The following IRAG2 variants were observed in gnomAD, a reference collection of about 807,000 sequenced individuals.
IRAG2 encodes lymphoid restricted membrane protein.
A neutral mutation model predicts 69.9 loss-of-function variants in IRAG2; 45 were observed. The ratio of observed to expected loss-of-function variants is 0.64; its 90% CI spans 0.51 to 0.83. IRAG2 has a LOEUF of 0.83. IRAG2 is among the 40% of genes least tolerant of loss of function. The pLI is 0.00. For missense variants in IRAG2, 520 were observed against 587.0 expected (o/e 0.89, Z 1.18); for synonymous variants, 193 against 202.4 (o/e 0.95, Z 0.40).
intron 5 of IRAG2, among the ~76,000 whole-genome samples, chr12:25,067,739 C>T (rs1004373679): frequency 6.6e-6 from 1 of 152,118 alleles, no homozygotes; most frequent in Non-Finnish European, 1.5e-5. Context: ...GTAATTTGGG[C>T]TCACTGAAAC....
intron 13 of IRAG2, 37 bp downstream of exon 13, chr12:25,089,827 G>C (rs773427016): frequency 1.9e-6 from 3 of 1,604,364 alleles, no homozygotes; most frequent in Admixed American, 3.3e-5. Flanking sequence ...TTTTAAAAAA[G>C]TGTTCCAGAC....
intron 8 of IRAG2, among the ~76,000 whole-genome samples, chr12:25,026,412 C>A (rs1944622010): frequency 6.6e-6 from 1 of 152,008 alleles, no homozygotes; most frequent in South Asian, 2.1e-4. Flanking sequence ...ATAATGATTG[C>A]CCAGGGAAGA....
intron 10 of IRAG2, 54 bp from the exon 11 acceptor site, chr12:25,088,046 C>A: frequency 7.8e-7 from 1 of 1,289,634 alleles, no homozygotes; most frequent in Non-Finnish European, 1.1e-6. Context: ...AGGAAAATGA[C>A]TGGTTATGAA....
At chr12:25,052,666 G>C, upstream of IRAG2, 1 of 397,584 alleles carries the variant, frequency 2.5e-6, no homozygotes. Context: ...AGAAGTTCAG[G>C]AGAGGCTTAT....
intron 9 of IRAG2, chr12:25,030,253 C>T (rs909375261): frequency 2.4e-6 from 3 of 1,229,668 alleles, no homozygotes; most frequent in Non-Finnish European, 3.0e-6. Context: ...TCCCAACGGC[C>T]TTCCCTAAAT....
At chr12:25,079,532 C>A in intron 8 of IRAG2, 70 bp downstream of exon 8, 1 of 1,435,572 alleles carries the variant, frequency 7.0e-7, no homozygotes, top group African/African-American at 1.4e-5. Flanking sequence ...TGTTCTGTGA[C>A]CTGCTGGGGT....
At chr12:25,101,035 G>A (rs1948723261) in intron 15 of IRAG2, 143 bp from the exon 16 acceptor site, 3 of 576,582 alleles carry the variant, frequency 5.2e-6, no homozygotes, top group East Asian at 3.1e-5. Flanking sequence ...TGCCCCTGTA[G>A]ATGCATGTCT....
At chr12:25,046,588 A>G (rs1052823168) in intron 16 of IRAG2, among the ~76,000 whole-genome samples, 1 of 152,170 alleles carries the variant, frequency 6.6e-6, no homozygotes, top group Non-Finnish European at 1.5e-5. Context: ...CTCATTTACA[A>G]TAGCATCAAA....
chr12:25,085,321 A>C (rs1245204415), intron 10 of IRAG2, among the ~76,000 whole-genome samples: 2 of 152,030 alleles, frequency 1.3e-5, no homozygotes, highest in African/African-American at 4.8e-5. Flanking sequence ...CGGAGCCAGA[A>C]GGGGGGATGG....
intron 6 of IRAG2, among the ~76,000 whole-genome samples, chr12:25,078,057 G>A (rs146792817): frequency 1.2e-4 from 19 of 152,244 alleles, no homozygotes; most frequent in African/African-American, 3.6e-4. Flanking sequence ...TATTTAGTTC[G>A]ATATGTGTTT....
upstream of IRAG2, among the ~76,000 whole-genome samples, chr12:25,048,229 A>G (rs1944812976): frequency 6.6e-6 from 1 of 151,802 alleles, no homozygotes; most frequent in Non-Finnish European, 1.5e-5. Flanking sequence ...GCTTTTTTTC[A>G]TGTTTGTTGG....
chr12:25,072,041 T>C (rs1946373635), intron 6 of IRAG2, among the ~76,000 whole-genome samples: 1 of 151,796 alleles, frequency 6.6e-6, no homozygotes, highest in Non-Finnish European at 1.5e-5. Context: ...CAATTTCTAC[T>C]AAAAAATACA....
chr12:25,058,886 G>C (rs1009695078), intron 1 of IRAG2, among the ~76,000 whole-genome samples: 1 of 152,196 alleles, frequency 6.6e-6, no homozygotes, highest in Non-Finnish European at 1.5e-5. Context: ...ATGTAAAGCA[G>C]AATGCAAAGG....
At position 25,078,404 on chromosome 12, in the gene IRAG2, CAGTT is replaced by C. The variant is rs373795732; in HGVS notation, c.25-836_25-833del. On this transcript the variant is annotated intron_variant, in intron 6 of 21. Transcript: ENST00000556887. ...CATGGGAACCTATTGTTGGTTGTGA[CAGTT>C]AGTAAGTTCTGATTATGGAATAACT... Among the ~76,000 whole-genome samples, 132 of 152,236 alleles carry C rather than the reference CAGTT, an allele frequency of 8.7e-4. 3 individuals are homozygous for C. The East Asian group carries it at 0.015, about 18-fold the overall frequency.
At chr12:25,017,396 C>G in intron 6 of IRAG2, 1 of 1,027,172 alleles carries the variant, frequency 9.7e-7, no homozygotes, top group Non-Finnish European at 1.2e-6. Flanking sequence ...AATTCATTCT[C>G]TTAAAGTATA....
chr12:25,014,150 C>T lies in IRAG2; in HGVS notation c.897-1032C>T, dbSNP rs1437923517. 1.1e-4 allele frequency among the ~76,000 whole-genome samples: 16 copies of T among 151,914 alleles called. 1 individual carries two copies. The highest frequency in any genetic ancestry group is 1.0e-3 in the Admixed American group (16 of 15,268). On this transcript the variant is annotated intron_variant, in intron 3 of 38. Transcript: ENST00000636465. Reference sequence around the variant, plus strand: ...TCTGCCTCCCAAAGTGCTGGGATTACAGGCGTGAGCCACCAGGCCCGGCCT... The same window carrying T: ...TCTGCCTCCCAAAGTGCTGGGATTATAGGCGTGAGCCACCAGGCCCGGCCT...
At chr12:25,071,481 T>G (rs1357532378) in intron 6 of IRAG2, among the ~76,000 whole-genome samples, 1 of 152,232 alleles carries the variant, frequency 6.6e-6, no homozygotes, top group Non-Finnish European at 1.5e-5. Flanking sequence ...AATTTCCCTT[T>G]TATCTGGCAC....
chr12:25,106,448 ATG>A (rs1167423165), intron 20 of IRAG2, among the ~76,000 whole-genome samples: 1 of 143,828 alleles, frequency 7.0e-6, no homozygotes, highest in Non-Finnish European at 1.5e-5. Flanking sequence ...ATATGTAGAT[ATG>A]TGTGTATATA....
At chr12:25,075,386 T>C (rs1946614527) in intron 6 of IRAG2, among the ~76,000 whole-genome samples, 1 of 152,212 alleles carries the variant, frequency 6.6e-6, no homozygotes, top group African/African-American at 2.4e-5. Flanking sequence ...ACAAAATCTG[T>C]AGTTTAGTAT....
Sources: gnomAD v4.1 joint callset for allele counts (sites outside exome capture counted in the v4.1 genomes callset) on GRCh38, gnomAD v4.1.1 for gene constraint, MANE v1.5 for transcripts, NCBI Gene and HGNC (gene_info 2026-07-23, HGNC 2026-07-21) for gene names.